The following PID1 variants were observed in gnomAD, a reference collection of about 807,000 sequenced individuals.
PID1 encodes the protein PTB-containing, cubilin and LRP1-interacting protein.
PID1 carries 10 observed loss-of-function variants against 19.1 expected under a neutral mutation model. The observed-to-expected ratio is 0.52, with a 90% confidence interval of 0.32 to 0.89. The LOEUF (loss-of-function observed/expected upper bound fraction) is 0.89. Among genes scored for constraint, PID1 ranks in the 40% least tolerant of loss-of-function variants. The pLI is 0.03. For synonymous variants in PID1, 130 were observed against 116.0 expected (o/e 1.12, Z -0.78); for missense variants, 248 against 285.3 (o/e 0.87, Z 0.94).
At chr2:229,057,632 T>G (rs2106189982) in intron 2 of PID1, among the ~76,000 whole-genome samples, 1 of 152,230 alleles carries the variant, frequency 6.6e-6, no homozygotes, top group South Asian at 2.1e-4. Flanking sequence ...GTAAAATACC[T>G]AAATAATGTA....
chr2:229,059,422 G>T (rs1445588822), intron 2 of PID1, among the ~76,000 whole-genome samples: 1 of 152,246 alleles, frequency 6.6e-6, no homozygotes, highest in Non-Finnish European at 1.5e-5. Flanking sequence ...TAGGCACAAG[G>T]TTAGGTGTTT....
At chr2:229,135,667 T>C (rs13418563) in intron 2 of PID1, among the ~76,000 whole-genome samples, 58,248 of 151,956 alleles carry the variant, frequency 0.38, 11,355 homozygotes, top group South Asian at 0.57. Flanking sequence ...CATCCAGTTA[T>C]CCAAAACAGC....
chr2:229,161,262 C>T (rs1048569690), intron 1 of PID1, among the ~76,000 whole-genome samples: 4 of 152,040 alleles, frequency 2.6e-5, no homozygotes, highest in Non-Finnish European at 5.9e-5. Flanking sequence ...GAGAGTGAGA[C>T]CACACTGAGA....
At position 229,025,401 on chromosome 2, in the gene PID1, C is replaced by T. The variant is rs1349669088; in HGVS notation, c.*231G>A. The T allele has an allele frequency of 1.8e-6, 1 of 548,824 alleles. No individual in the cohort carries two copies. Among genetic ancestry groups the T allele is most frequent in the African/African-American group, 1.9e-5 (1 of 52,836 alleles). The allele number at this position is 548,824 out of a possible 1,614,324, so 34.0% of individuals were successfully genotyped here. On this transcript the variant is annotated 3_prime_UTR_variant, in exon 3 of 3. Coordinates refer to ENST00000392055, the MANE Select transcript of PID1 (RefSeq NM_001100818.2). ...AATAAGAGAGCCTAGAACCTTCCTC[C>T]CCATCCACACTCCCACCCTCCTCAC...
At chr2:229,072,115 C>T (rs1466797782) in intron 2 of PID1, among the ~76,000 whole-genome samples, 1 of 152,078 alleles carries the variant, frequency 6.6e-6, no homozygotes, top group African/African-American at 2.4e-5. Context: ...CGATTTAGTC[C>T]ATCAATCTGA....
In PID1 at chr2:229,086,661, C is replaced by T. The variant is rs569535106; in HGVS notation, c.178-60553G>A. Among the ~76,000 whole-genome samples the T allele has an allele frequency of 1.4e-3, 208 of 152,222 alleles. 9 individuals are homozygous for T. The South Asian group carries it at 0.042, about 31-fold the overall frequency. On this transcript the variant is annotated intron_variant, in intron 2 of 2. Transcript: ENST00000392055. The stretch of plus-strand genomic sequence containing the variant: ...CTTACGTGAAAAACTTAACTGAAGG[C>T]TTGATGGCAGTGAGACAGAGGGTGG...
At chr2:229,067,897 A>G (rs1210146876) in intron 2 of PID1, among the ~76,000 whole-genome samples, 7 of 152,078 alleles carry the variant, frequency 4.6e-5, no homozygotes, top group Non-Finnish European at 8.8e-5. Flanking sequence ...ATTCTGTGCA[A>G]TGGGGGCAGG....
intron 2 of PID1, among the ~76,000 whole-genome samples, chr2:229,114,151 T>TTCTCTCTCTCTC (rs1183310607): frequency 1.6e-5 from 2 of 127,214 alleles, no homozygotes; most frequent in Non-Finnish European, 3.3e-5. Flanking sequence ...CTCTCTCTCT[T>TTCTCTCTCTCTC]TCTCTCTCTC....
At position 229,260,937 on chromosome 2, in the gene PID1, T is replaced by C. The variant is rs78490561; in HGVS notation, c.30+10077A>G. The stretch of plus-strand genomic sequence containing the variant: ...GATTAAATTGTGTCCCTCTAAAATG[T>C]ACATGTTGAAATCCTAACCCGTAGT... On this transcript the variant is annotated intron_variant, in intron 1 of 2. Coordinates refer to ENST00000392055, the MANE Select transcript of PID1 (RefSeq NM_001100818.2). Among the ~76,000 whole-genome samples the C allele has an allele frequency of 1.8e-3, 280 of 151,870 alleles. 3 individuals carry two copies. The highest frequency in any genetic ancestry group is 0.015 in the East Asian group (78 of 5,138).
intron 1 of PID1, among the ~76,000 whole-genome samples, chr2:229,185,188 T>C (rs1383422828): frequency 6.6e-6 from 1 of 151,476 alleles, no homozygotes; most frequent in African/African-American, 2.4e-5. Context: ...GATACTTTGC[T>C]ATAGCAGGCC....
At chr2:229,270,868 TA>T in intron 1 of PID1, 145 bp downstream of exon 1, 1 of 656,484 alleles carries the variant, frequency 1.5e-6, no homozygotes, top group Non-Finnish European at 2.5e-6. Flanking sequence ...TGGCGCTGGG[TA>T]AACCGACAGC....
chr2:229,111,462 G>C (rs1233576675), intron 2 of PID1, among the ~76,000 whole-genome samples: 1 of 152,092 alleles, frequency 6.6e-6, no homozygotes, highest in African/African-American at 2.4e-5. Context: ...ATATTGTTCT[G>C]ACGCAAAAAT....
intron 1 of PID1, among the ~76,000 whole-genome samples, chr2:229,221,896 A>C (rs1691977516): frequency 6.6e-6 from 1 of 152,100 alleles, no homozygotes; most frequent in Non-Finnish European, 1.5e-5. Context: ...ACATCTGAGC[A>C]CTTGGCAAAT....
At chr2:229,261,904 T>TC (rs1195391724) in intron 1 of PID1, among the ~76,000 whole-genome samples, 2 of 152,026 alleles carry the variant, frequency 1.3e-5, no homozygotes, top group Non-Finnish European at 2.9e-5. Context: ...GACTTTTTTT[T>TC]TTTTTGTCTT....
At chr2:229,245,806 A>G (rs909826479) in intron 1 of PID1, among the ~76,000 whole-genome samples, 2 of 152,164 alleles carry the variant, frequency 1.3e-5, no homozygotes, top group African/African-American at 2.4e-5. Context: ...TAAAGACAGT[A>G]CTTAGTAGGG....
chr2:229,270,991 C>G, intron 1 of PID1, 23 bp downstream of exon 1: 1 of 1,386,148 alleles, frequency 7.2e-7, no homozygotes, highest in Non-Finnish European at 9.3e-7. Flanking sequence ...CAGGCTGGCC[C>G]CCGGCTCCCG....
At chr2:229,122,983 C>T (rs2106159957) in intron 2 of PID1, among the ~76,000 whole-genome samples, 1 of 152,288 alleles carries the variant, frequency 6.6e-6, no homozygotes, top group East Asian at 1.9e-4. Flanking sequence ...ATCTACCTTA[C>T]TGTTTTTTGT....
intron 2 of PID1, among the ~76,000 whole-genome samples, chr2:229,064,305 G>A (rs1694275611): frequency 6.6e-6 from 1 of 152,080 alleles, no homozygotes; most frequent in Admixed American, 6.6e-5. Context: ...GTAAAATTGA[G>A]CTGGTTCATG....
chr2:229,086,345 T>G (rs1694766502), intron 2 of PID1, among the ~76,000 whole-genome samples: 2 of 152,114 alleles, frequency 1.3e-5, no homozygotes, highest in South Asian at 4.1e-4. Context: ...TTGAGCAAAA[T>G]CATTTGACAC....
Sources: allele counts gnomAD v4.1 joint callset (sites outside exome capture counted in the v4.1 genomes callset), GRCh38; gene constraint gnomAD v4.1.1; transcripts MANE v1.5; gene names NCBI Gene and HGNC (gene_info 2026-07-23, HGNC 2026-07-21).